The following AGO2 variants were observed in gnomAD, a reference collection of about 807,000 sequenced individuals.
The protein encoded by AGO2 is argonaute RISC catalytic component 2.
Under a neutral mutation model 102.3 loss-of-function variants are expected in AGO2, and 5 were observed. The observed-to-expected ratio is 0.05, with a 90% CI of 0.03 to 0.10. The LOEUF (loss-of-function observed/expected upper bound fraction) is 0.10. Ranked by LOEUF, AGO2 falls within the 10% of genes least tolerant of loss-of-function variation. The pLI is 1.00. For missense variants in AGO2, 541 were observed against 1,183.7 expected, an observed-to-expected ratio of 0.46 and a Z score of 7.97; for synonymous variants, 449 against 473.1, an observed-to-expected ratio of 0.95 and a Z score of 0.66.
chr8:140,564,539 G>A (rs918017609), intron 3 of AGO2, among the ~76,000 whole-genome samples: 2 of 152,216 alleles, frequency 1.3e-5, no homozygotes, highest in Middle Eastern at 3.2e-3. Flanking sequence ...TCAGCATGAA[G>A]ACAGAGGGGA....
intron 1 of AGO2, among the ~76,000 whole-genome samples, chr8:140,629,835 C>CA (rs1357787754): frequency 3.2e-5 from 4 of 123,656 alleles, no homozygotes; most frequent in Non-Finnish European, 5.0e-5. Flanking sequence ...GAGACCCTGT[C>CA]AAAAAAAGAA....
chr8:140,548,411 A>G (rs1238681065), intron 12 of AGO2, among the ~76,000 whole-genome samples: 2 of 151,906 alleles, frequency 1.3e-5, no homozygotes, highest in African/African-American at 4.8e-5. Flanking sequence ...AAAAATAAAA[A>G]CACTGGCACC....
rs1195194861 is a variant in AGO2 at position 140,528,817 on chromosome 8, G to A, written c.*3227C>T. On this transcript the variant is annotated 3_prime_UTR_variant, in exon 19 of 19. Coordinates refer to ENST00000220592, the MANE Select transcript of AGO2 (RefSeq NM_012154.5). The surrounding 1 kb of genome is among the most constrained non-coding windows in gnomAD (Gnocchi z 4.5). Reference sequence around the variant, plus strand: ...AGGACACACAAAACAACAGGACGGTGGCTTTGCGTCACCGAAGGGCTCACA... The same window carrying A: ...AGGACACACAAAACAACAGGACGGTAGCTTTGCGTCACCGAAGGGCTCACA... 2 of 152,156 alleles carry A rather than the reference G, an allele frequency of 1.3e-5. No homozygotes were observed. Among genetic ancestry groups the A allele is most frequent in the Non-Finnish European group, 2.9e-5 (2 of 68,046 alleles). The allele number at this position is 152,156 out of a possible 1,614,324, so 9.4% of individuals were successfully genotyped here. A position where few individuals can be genotyped will look rare whatever the true frequency, so the allele number is the denominator to read the frequency against.
In AGO2 at chr8:140,606,128, CATAATTAA is replaced by C. The variant is rs1436146209; in HGVS notation, c.23-20825_23-20818del. 2.0e-5 allele frequency among the ~76,000 whole-genome samples: 3 copies of C among 152,132 alleles called. No individual in the cohort carries two copies. The East Asian group carries it at 5.8e-4, about 29-fold the overall frequency. On this transcript the variant is annotated intron_variant, in intron 1 of 18. Coordinates refer to ENST00000220592, the MANE Select transcript of AGO2 (RefSeq NM_012154.5). Reference sequence around the variant, plus strand: ...ACTATAAGTAAGGTAAGATTTTTTCCATAATTAAATATGCCAAGAAATACCACTGAAGT... The same window carrying C: ...ACTATAAGTAAGGTAAGATTTTTTCCATATGCCAAGAAATACCACTGAAGT...
chr8:140,588,749 C>G (rs1002839343), intron 1 of AGO2, among the ~76,000 whole-genome samples: 1 of 152,240 alleles, frequency 6.6e-6, no homozygotes, highest in Non-Finnish European at 1.5e-5. Context: ...CTCAGCTGCT[C>G]CTGGGAGGGG....
chr8:140,556,320 C>T (rs373949961), intron 8 of AGO2, 34 bp from the exon 9 acceptor site: 35 of 1,611,218 alleles, frequency 2.2e-5, no homozygotes, highest in Non-Finnish European at 6.8e-6. Flanking sequence ...GCCGTCAGTG[C>T]CGCACTGGAG....
intron 2 of AGO2, among the ~76,000 whole-genome samples, chr8:140,584,055 G>A (rs2073604782): frequency 6.6e-6 from 1 of 151,004 alleles, no homozygotes; most frequent in African/African-American, 2.4e-5. Flanking sequence ...TGTCGCTCCG[G>A]AGGATGCTTA....
chr8:140,544,602 C>G (rs2072864719), intron 13 of AGO2, among the ~76,000 whole-genome samples: 1 of 152,190 alleles, frequency 6.6e-6, no homozygotes, highest in Admixed American at 6.5e-5. Context: ...AGGGCTCACC[C>G]TTCTACCCTC....
chr8:140,564,425 C>A (rs1327034646), intron 3 of AGO2, among the ~76,000 whole-genome samples: 1 of 152,110 alleles, frequency 6.6e-6, no homozygotes, highest in African/African-American at 2.4e-5. Context: ...CATAGCTGGC[C>A]CTTGCACAAC....
At position 140,524,855 on chromosome 8, in the gene AGO2, T is replaced by C. The variant is rs1162180225; in HGVS notation, c.*7189A>G. ...GCTGGTTGGTGCTGTGGGGTGTTCT[T>C]GGGATCAACTCACTCATTTTAAGGA... On this transcript the variant is annotated 3_prime_UTR_variant, in exon 19 of 19. Coordinates refer to ENST00000220592, the MANE Select transcript of AGO2 (RefSeq NM_012154.5). 3 of 152,268 alleles carry C rather than the reference T, an allele frequency of 2.0e-5. No homozygotes were observed. Among genetic ancestry groups the C allele is most frequent in the Non-Finnish European group, 4.4e-5 (3 of 68,100 alleles). 9.4% of individuals were successfully genotyped at this position (152,268 alleles called of 1,614,324 possible). A position where few individuals can be genotyped will look rare whatever the true frequency, so the allele number is the denominator to read the frequency against.
At chr8:140,544,985 C>T (rs1215260619) in intron 13 of AGO2, among the ~76,000 whole-genome samples, 3 of 152,258 alleles carry the variant, frequency 2.0e-5, no homozygotes, top group East Asian at 3.9e-4. Flanking sequence ...GAGAGTGCAC[C>T]GCCGCACACC....
intron 2 of AGO2, among the ~76,000 whole-genome samples, chr8:140,584,327 G>A (rs1411354262): frequency 2.0e-5 from 3 of 152,162 alleles, no homozygotes; most frequent in African/African-American, 4.8e-5. Context: ...AAACACGCCT[G>A]ACCACACCGC....
At chr8:140,635,021 C>T (rs1034234403) in intron 1 of AGO2, among the ~76,000 whole-genome samples, 3 of 150,936 alleles carry the variant, frequency 2.0e-5, no homozygotes, top group Admixed American at 6.6e-5. Context: ...GGCCTCCACC[C>T]GCTCAGGCGC....
At chr8:140,566,113 C>T (rs1329297938) in intron 3 of AGO2, among the ~76,000 whole-genome samples, 2 of 152,178 alleles carry the variant, frequency 1.3e-5, no homozygotes, top group African/African-American at 4.8e-5. Context: ...TGTCCCCACC[C>T]AAATCTCACT....
Position 140,589,722 on chromosome 8 carries a change from A to G in AGO2, c.23-4411T>C, listed in dbSNP as rs2073719255. The stretch of plus-strand genomic sequence containing the variant: ...ATACCCTGGGCCAAGCCAGGTGCAG[A>G]TATGGTCTCTGTGATGCCAGGACAG... On this transcript the variant is annotated intron_variant, in intron 1 of 18. Coordinates refer to ENST00000220592, the MANE Select transcript of AGO2 (RefSeq NM_012154.5). The surrounding 1 kb of genome is among the most constrained non-coding windows in gnomAD (Gnocchi z 4.2). 6.6e-6 allele frequency among the ~76,000 whole-genome samples: 1 copy of G among 152,064 alleles called. No individual in the cohort carries two copies. Among genetic ancestry groups the G allele is most frequent in the Non-Finnish European group, 1.5e-5 (1 of 67,996 alleles).
At chr8:140,544,366 G>A in intron 13 of AGO2, 63 bp from the exon 14 acceptor site, 2 of 1,398,888 alleles carry the variant, frequency 1.4e-6, no homozygotes, top group Admixed American at 2.4e-5. Flanking sequence ...ACGCTAGTAG[G>A]TGCCACCATC....
At chr8:140,632,621 G>T (rs139931339) in intron 1 of AGO2, among the ~76,000 whole-genome samples, 1 of 152,314 alleles carries the variant, frequency 6.6e-6, no homozygotes, top group Non-Finnish European at 1.5e-5. Context: ...ACTAGACACA[G>T]ATCAAGACCT....
chr8:140,560,884 C>T (rs953002293), intron 4 of AGO2, among the ~76,000 whole-genome samples: 5 of 152,378 alleles, frequency 3.3e-5, no homozygotes, highest in South Asian at 2.1e-4. Flanking sequence ...TGTCCCCAAG[C>T]GCAGATAGAA....
intron 3 of AGO2, among the ~76,000 whole-genome samples, chr8:140,566,619 G>GC (rs1250265003): frequency 1.7e-5 from 2 of 116,668 alleles, no homozygotes; most frequent in Non-Finnish European, 3.8e-5. Flanking sequence ...TTTTTTTTTT[G>GC]GGGGGGGGGA....
Sources: gnomAD v4.1 joint callset for allele counts (sites outside exome capture counted in the v4.1 genomes callset) on GRCh38, gnomAD v4.1.1 for gene constraint, Gnocchi (gnomAD v3.1) non-coding constraint, MANE v1.5 for transcripts, NCBI Gene and HGNC (gene_info 2026-07-23, HGNC 2026-07-21) for gene names.